The following TUB variants were observed in gnomAD, a reference collection of about 807,000 sequenced individuals.
TUB encodes the protein tubby protein homolog.
A neutral mutation model predicts 59.7 loss-of-function variants in TUB; 33 were observed. The ratio of observed to expected loss-of-function variants is 0.55; its 90% CI spans 0.42 to 0.74. TUB has a LOEUF of 0.74. Among genes scored for constraint, TUB ranks in the 30% least tolerant of loss-of-function variants. The pLI, the probability that TUB is intolerant of heterozygous loss-of-function variation, is 0.00. For synonymous variants in TUB, 293 were observed against 256.4 expected (o/e 1.14, Z -1.36); for missense variants, 659 against 672.0 (o/e 0.98, Z 0.21).
At chr11:8,042,800 T>A (rs1052011022) in intron 2 of TUB, among the ~76,000 whole-genome samples, 1 of 152,172 alleles carries the variant, frequency 6.6e-6, no homozygotes, top group African/African-American at 2.4e-5. Flanking sequence ...GCCTTTTTAT[T>A]ATTGAGTTGA....
intron 3 of TUB, among the ~76,000 whole-genome samples, chr11:8,090,623 T>C (rs1943753984): frequency 6.6e-6 from 1 of 152,224 alleles, no homozygotes; most frequent in Non-Finnish European, 1.5e-5. Flanking sequence ...TATCAACCAG[T>C]GTCTCAGTAC....
At chr11:8,084,520 A>G (rs1176096783) in intron 1 of TUB, among the ~76,000 whole-genome samples, 2 of 152,212 alleles carry the variant, frequency 1.3e-5, no homozygotes, top group Non-Finnish European at 1.5e-5. Context: ...ACTGCGGCCC[A>G]CGGCGTATTG....
Position 8,098,741 on chromosome 11 carries a change from T to C in TUB, c.999-17T>C. 6.3e-7 allele frequency: 1 copy of C among 1,588,100 alleles called. No individual in the cohort carries two copies. The highest frequency in any genetic ancestry group is 8.6e-7 in the Non-Finnish European group (1 of 1,156,656). On this transcript the variant is annotated splice_polypyrimidine_tract_variant and intron_variant, in intron 8 of 11. Transcript: ENST00000299506. ...CAGAGGGTGCATGACTCTATACTGA[T>C]TGTGCCTTTATTTCAGGTCCAACTT...
In TUB at chr11:8,104,373, C is replaced by CCAAGT. The variant is rs1321631589; in HGVS notation, c.*2756_*2760dup. 6.6e-6 allele frequency: 1 copy of CCAAGT among 152,286 alleles called. No individual in the cohort carries two copies. The highest frequency in any genetic ancestry group is 1.5e-5 in the Non-Finnish European group (1 of 68,102). 9.4% of individuals were successfully genotyped at this position (152,286 alleles called of 1,614,324 possible). A position where few individuals can be genotyped will look rare whatever the true frequency, so the allele number is the denominator to read the frequency against. On this transcript the variant is annotated 3_prime_UTR_variant, in exon 12 of 12. Coordinates refer to ENST00000299506, the MANE Select transcript of TUB (RefSeq NM_177972.3). ...TGAAGTTCACTTCCCCAACTCTTCTCCAAGTCTAGCTTTCCTTTCCTTCTG... is the reference window on the plus strand; with the variant it reads ...TGAAGTTCACTTCCCCAACTCTTCTCCAAGTCAAGTCTAGCTTTCCTTTCCTTCTG...
chr11:8,069,339 C>T (rs1212024006), intron 2 of TUB: 1 of 149,258 alleles, frequency 6.7e-6, no homozygotes, highest in Non-Finnish European at 1.5e-5. Flanking sequence ...CTTTATTTTA[C>T]ACTTTTGTCA....
At chr11:8,100,277 A>C (rs1944212805) in intron 9 of TUB, among the ~76,000 whole-genome samples, 1 of 150,218 alleles carries the variant, frequency 6.7e-6, no homozygotes, top group South Asian at 2.1e-4. Flanking sequence ...GTGGAAGAAC[A>C]GCATTGCCGT....
At chr11:8,078,420 G>A (rs530701925), upstream of TUB, among the ~76,000 whole-genome samples, 13 of 152,196 alleles carry the variant, frequency 8.5e-5, no homozygotes, top group East Asian at 2.1e-3. Context: ...GCCCTTCTTC[G>A]AGGGTCATGG....
intron 2 of TUB, among the ~76,000 whole-genome samples, chr11:8,057,894 C>T (rs542727803): frequency 6.6e-6 from 1 of 152,220 alleles, no homozygotes; most frequent in African/African-American, 2.4e-5. Flanking sequence ...TTTGACTTAA[C>T]CACTCAGTCA....
At chr11:8,099,867 TGAA>T (rs759091479) in intron 9 of TUB, among the ~76,000 whole-genome samples, 2 of 152,112 alleles carry the variant, frequency 1.3e-5, no homozygotes, top group Non-Finnish European at 1.5e-5. Flanking sequence ...ATGCCTGGCA[TGAA>T]GAAGGAATGG....
intron 2 of TUB, among the ~76,000 whole-genome samples, chr11:8,066,870 C>T (rs567098050): frequency 6.6e-6 from 1 of 152,272 alleles, no homozygotes; most frequent in East Asian, 1.9e-4. Flanking sequence ...TCCTTGTCAC[C>T]CTGGGACAAC....
rs1943407011 is a variant in TUB, at chr11:8,074,136, T to A, written c.204-15474T>A. The stretch of plus-strand genomic sequence containing the variant: ...AAATCTATTTTGTACCAATAGTGTG[T>A]GTTTATCGTCTGTCTTCTCTTAACA... On this transcript the variant is annotated intron_variant, in intron 2 of 12. Coordinates refer to the TUB transcript ENST00000305253. 2.0e-5 allele frequency among the ~76,000 whole-genome samples: 3 copies of A among 152,198 alleles called. No individual in the cohort carries two copies. The South Asian group carries it at 6.2e-4, about 32-fold the overall frequency.
At chr11:8,055,175 C>T (rs1259165376) in intron 2 of TUB, among the ~76,000 whole-genome samples, 1 of 152,154 alleles carries the variant, frequency 6.6e-6, no homozygotes, top group African/African-American at 2.4e-5. Flanking sequence ...CTAGAGAGGA[C>T]AGGCTGCATC....
chr11:8,068,963 T>C (rs796346844), intron 2 of TUB: 41 of 152,306 alleles, frequency 2.7e-4, no homozygotes, highest in African/African-American at 9.6e-4. Flanking sequence ...TGAGTTTCTT[T>C]CTGCACTCCC....
Position 8,089,623 on chromosome 11 carries a change from G to C in TUB, c.52G>C (p.Glu18Gln), listed in dbSNP as rs557066008. ...DWIPYSVLDD[E>Q]GRNLRQQKLD... Reference sequence around the variant, plus strand: ...TTCGCTCTGCAGTGTCTTAGATGATGAGGGCAGAAACCTGAGGCAGCAGAA... The same window carrying C: ...TTCGCTCTGCAGTGTCTTAGATGATCAGGGCAGAAACCTGAGGCAGCAGAA... The change falls in exon 2 of 12, where the codon GAG (glutamate) becomes CAG (glutamine). Residue 18 changes from glutamate (E) to glutamine (Q), a missense_variant. By Grantham distance (29) the Glu-to-Gln change is conservative. Around this residue, in one of 3 missense-constraint regions of TUB, gnomAD observed 321 missense variants for 304.3 expected, o/e 1.05. Transcript: ENST00000299506. 1.2e-6 allele frequency: 2 copies of C among 1,614,198 alleles called. No individual in the cohort carries two copies. Among genetic ancestry groups the C allele is most frequent in the Non-Finnish European group, 1.7e-6 (2 of 1,180,028 alleles).
chr11:8,074,817 G>A (rs1249155909), intron 2 of TUB, among the ~76,000 whole-genome samples: 1 of 132,558 alleles, frequency 7.5e-6, no homozygotes, highest in East Asian at 2.3e-4. Flanking sequence ...CACAATCTTG[G>A]CTCACTACAA....
intron 9 of TUB, among the ~76,000 whole-genome samples, chr11:8,099,936 G>A (rs1007175780): frequency 3.9e-5 from 6 of 152,226 alleles, no homozygotes; most frequent in Non-Finnish European, 8.8e-5. Context: ...CCACGTGCAG[G>A]TGAAGTCACA....
Position 8,103,897 on chromosome 11 carries a change from C to G in TUB, c.*2278C>G, listed in dbSNP as rs561378008. On this transcript the variant is annotated 3_prime_UTR_variant, in exon 12 of 12. Transcript: ENST00000299506. ...CACAAAGGAAAACTCTTGGCCTCTG[C>G]TTTCTCCTGTAGCACAAAGAGGGAG... 6.6e-6 allele frequency: 1 copy of G among 152,358 alleles called. No individual in the cohort carries two copies. Among genetic ancestry groups the G allele is most frequent in the Admixed American group, 6.5e-5 (1 of 15,304 alleles). The allele number at this position is 152,358 out of a possible 1,614,324, so 9.4% of individuals were successfully genotyped here. A position where few individuals can be genotyped will look rare whatever the true frequency, so the allele number is the denominator to read the frequency against.
At chr11:8,045,993 T>C (rs1942824301) in intron 2 of TUB, among the ~76,000 whole-genome samples, 1 of 152,188 alleles carries the variant, frequency 6.6e-6, no homozygotes, top group African/African-American at 2.4e-5. Flanking sequence ...CTTGGGTCGT[T>C]TTCTCACAAG....
chr11:8,059,268 G>A (rs775269258), intron 2 of TUB, among the ~76,000 whole-genome samples: 28 of 152,290 alleles, frequency 1.8e-4, no homozygotes, highest in African/African-American at 5.5e-4. Flanking sequence ...GGAAGAAGAC[G>A]TGGTCACTGC....
Sources: allele counts gnomAD v4.1 joint callset (sites outside exome capture counted in the v4.1 genomes callset), GRCh38; gene constraint gnomAD v4.1.1; regional missense constraint gnomAD v4.1.1; transcripts MANE v1.5; gene names NCBI Gene and HGNC (gene_info 2026-07-23, HGNC 2026-07-21).